Variants in RABGAP1L observed in about 807,000 individuals in gnomAD.
RABGAP1L encodes RAB GTPase activating protein 1 like.
Under a neutral mutation model 137.7 loss-of-function variants are expected in RABGAP1L, and 63 were observed. The ratio of observed to expected loss-of-function variants is 0.46; its 90% CI spans 0.37 to 0.56. The LOEUF (loss-of-function observed/expected upper bound fraction) is 0.56, where lower values mean the gene tolerates loss of function less well. Ranked by LOEUF, RABGAP1L falls within the 20% of genes least tolerant of loss-of-function variation. The pLI is 0.00. For missense variants in RABGAP1L, 1,095 were observed against 1,244.0 expected (o/e 0.88, Z 1.80); for synonymous variants, 431 against 433.7 (o/e 0.99, Z 0.08).
At chr1:174,534,153 T>TGTGG (rs1664685029) in intron 13 of RABGAP1L, among the ~76,000 whole-genome samples, 1 of 150,982 alleles carries the variant, frequency 6.6e-6, no homozygotes, top group Admixed American at 6.6e-5. Context: ...TGTGTGTGTG[T>TGTGG]GTGTGTGTGT....
intron 1 of RABGAP1L, among the ~76,000 whole-genome samples, chr1:174,199,906 A>G (rs901093020): frequency 1.3e-5 from 2 of 152,216 alleles, no homozygotes; most frequent in Non-Finnish European, 2.9e-5. Context: ...TATTGGCTCT[A>G]AAAAATACTT....
chr1:174,837,184 G>A (rs1406295992), intron 19 of RABGAP1L, among the ~76,000 whole-genome samples: 1 of 149,022 alleles, frequency 6.7e-6, no homozygotes, highest in East Asian at 2.0e-4. Context: ...TCCTGCCTGG[G>A]CAACAAGAGC....
At chr1:174,304,935 A>G (rs1191474083) in intron 10 of RABGAP1L, 51 bp from the exon 11 acceptor site, 9 of 1,422,568 alleles carry the variant, frequency 6.3e-6, no homozygotes, top group Non-Finnish European at 8.5e-6. Flanking sequence ...CTATCTTTCA[A>G]TGTTTCCTTC....
chr1:174,877,299 G>C (rs1653286822), intron 19 of RABGAP1L: 3 of 1,003,200 alleles, frequency 3.0e-6, no homozygotes, highest in South Asian at 2.9e-5. Context: ...TACTGGGGGT[G>C]AATTGCTAGC....
intron 7 of RABGAP1L, among the ~76,000 whole-genome samples, chr1:174,258,704 G>A (rs924273495): frequency 2.6e-5 from 4 of 152,124 alleles, no homozygotes; most frequent in Non-Finnish European, 5.9e-5. Context: ...TTCTGAACGA[G>A]AAAATAAAAT....
At chr1:174,282,537 A>G (rs55687343) in intron 10 of RABGAP1L, among the ~76,000 whole-genome samples, 1 of 152,142 alleles carries the variant, frequency 6.6e-6, no homozygotes, top group Non-Finnish European at 1.5e-5. Context: ...TCAGATACAC[A>G]TATTTCAAAT....
chr1:174,722,594 C>T (rs550093472), intron 17 of RABGAP1L, among the ~76,000 whole-genome samples: 2 of 151,704 alleles, frequency 1.3e-5, no homozygotes, highest in Admixed American at 6.6e-5. Flanking sequence ...GGATTACAGG[C>T]GCCCACCACC....
chr1:174,165,204 A>C (rs1664803593), intron 1 of RABGAP1L, among the ~76,000 whole-genome samples: 1 of 152,212 alleles, frequency 6.6e-6, no homozygotes, highest in Admixed American at 6.5e-5. Context: ...GCTGGAGTAC[A>C]GTGGTACAAT....
At chr1:174,406,185 T>C (rs541631916) in intron 13 of RABGAP1L, among the ~76,000 whole-genome samples, 1 of 152,180 alleles carries the variant, frequency 6.6e-6, no homozygotes, top group African/African-American at 2.4e-5. Flanking sequence ...TAGTGATATC[T>C]ACATATATAA....
At chr1:174,863,114 G>A (rs1244868071) in intron 19 of RABGAP1L, among the ~76,000 whole-genome samples, 1 of 147,962 alleles carries the variant, frequency 6.8e-6, no homozygotes, top group Non-Finnish European at 1.5e-5. Context: ...GGCTGATCTC[G>A]AATTCCTGAC....
At chr1:174,543,585 C>T (rs1665694593) in intron 13 of RABGAP1L, among the ~76,000 whole-genome samples, 2 of 152,104 alleles carry the variant, frequency 1.3e-5, no homozygotes, top group Admixed American at 6.5e-5. Flanking sequence ...AAACATTTAG[C>T]CCATTTACAT....
chr1:174,573,858 C>T (rs1019975784), intron 13 of RABGAP1L, among the ~76,000 whole-genome samples: 1 of 152,078 alleles, frequency 6.6e-6, no homozygotes, highest in African/African-American at 2.4e-5. Flanking sequence ...AATTTAAACT[C>T]TATTAAAGAA....
chr1:174,959,705 A>G (rs896459219), intron 20 of RABGAP1L, among the ~76,000 whole-genome samples: 4 of 152,148 alleles, frequency 2.6e-5, no homozygotes, highest in Non-Finnish European at 5.9e-5. Flanking sequence ...CATTCATCTA[A>G]TGTCTCTATA....
intron 18 of RABGAP1L, among the ~76,000 whole-genome samples, chr1:174,800,970 C>T (rs777928929): frequency 2.6e-5 from 4 of 152,138 alleles, no homozygotes; most frequent in Non-Finnish European, 5.9e-5. Flanking sequence ...GAGAATTTTA[C>T]CACCTAAAAA....
At chr1:174,821,288 C>G (rs576215106) in intron 19 of RABGAP1L, among the ~76,000 whole-genome samples, 37 of 152,108 alleles carry the variant, frequency 2.4e-4, no homozygotes, top group African/African-American at 8.7e-4. Flanking sequence ...AAAACAGAAT[C>G]CTGACCCAGC....
chr1:174,890,084 A>C lies in RABGAP1L; in HGVS notation c.2341-67373A>C, dbSNP rs188354544. ...ATCAAACAAACGAACAAAAAAATGC[A>C]GTGATTATTTCTGTTATACTTTTAT... On this transcript the variant is annotated intron_variant, in intron 19 of 25. Coordinates refer to ENST00000681986, the MANE Select transcript of RABGAP1L (RefSeq NM_001366446.1). Among the ~76,000 whole-genome samples, 256 of 152,336 alleles carry C rather than the reference A, an allele frequency of 1.7e-3. 1 individual carries two copies. Among genetic ancestry groups the C allele is most frequent in the Middle Eastern group, 0.014 (4 of 294 alleles).
At chr1:174,914,801 C>A (rs925484816) in intron 19 of RABGAP1L, among the ~76,000 whole-genome samples, 1 of 152,084 alleles carries the variant, frequency 6.6e-6, no homozygotes, top group African/African-American at 2.4e-5. Flanking sequence ...CCTAAAATTC[C>A]TTCATGCTCA....
At chr1:174,780,527 T>A (rs1351688552) in intron 18 of RABGAP1L, among the ~76,000 whole-genome samples, 1 of 152,220 alleles carries the variant, frequency 6.6e-6, no homozygotes, top group African/African-American at 2.4e-5. Context: ...GGGAATACTG[T>A]TGTATTATAG....
chr1:174,889,729 C>G (rs1655807715), intron 19 of RABGAP1L, among the ~76,000 whole-genome samples: 1 of 151,760 alleles, frequency 6.6e-6, no homozygotes, highest in Non-Finnish European at 1.5e-5. Context: ...CTGTGACCAG[C>G]CTTTCTATTC....
Sources: allele counts gnomAD v4.1 joint callset (sites outside exome capture counted in the v4.1 genomes callset), GRCh38; gene constraint gnomAD v4.1.1; transcripts MANE v1.5; gene names NCBI Gene and HGNC (gene_info 2026-07-23, HGNC 2026-07-21).